PPARGC1A: variants seen among roughly 807,000 people sequenced by gnomAD.
The protein encoded by PPARGC1A is PPARG coactivator 1 alpha.
Under a neutral mutation model 88.7 loss-of-function variants are expected in PPARGC1A, and 25 were observed. The observed-to-expected ratio is 0.28, with a 90% CI of 0.21 to 0.39. PPARGC1A has a LOEUF of 0.39. PPARGC1A is among the 10% of genes least tolerant of loss of function. The pLI, the probability that PPARGC1A is intolerant of heterozygous loss-of-function variation, is 1.00. For synonymous variants in PPARGC1A, 363 were observed against 355.6 expected, an observed-to-expected ratio of 1.02 and a Z score of -0.24; for missense variants, 880 against 968.7, an observed-to-expected ratio of 0.91 and a Z score of 1.22.
At chr4:24,179,334 G>A in the PPARGC1A span, among the ~76,000 whole-genome samples, 6 of 152,110 alleles carry the variant, frequency 3.9e-5, no homozygotes, top group South Asian at 2.1e-4. Context: ...CCTTTATCAC[G>A]TAACTGTGCA....
the PPARGC1A span, among the ~76,000 whole-genome samples, chr4:24,151,556 C>T: frequency 6.6e-6 from 1 of 152,172 alleles, no homozygotes; most frequent in Non-Finnish European, 1.5e-5. Context: ...TAGTACCTAG[C>T]TATTACCAAT....
chr4:23,957,230 G>A, the PPARGC1A span, among the ~76,000 whole-genome samples: 8 of 152,044 alleles, frequency 5.3e-5, no homozygotes, highest in South Asian at 4.1e-4. Flanking sequence ...CAGCTCACAT[G>A]TCACTTCCTC....
upstream of PPARGC1A, among the ~76,000 whole-genome samples, chr4:23,906,607 C>CAAAAAAAAAAAAAAAA (rs35171233): frequency 1.6e-5 from 1 of 63,728 alleles, no homozygotes. Flanking sequence ...CTCTGTCTCA[C>CAAAAAAAAAAAAAAAA]AAAAAAAAAA....
intron 3 of PPARGC1A, 65 bp from the exon 4 acceptor site, chr4:23,829,650 A>G (rs1724650292): frequency 1.3e-5 from 19 of 1,452,998 alleles, no homozygotes; most frequent in Non-Finnish European, 1.8e-5. Flanking sequence ...CATTGGAATA[A>G]GTTATTGAAA....
intron 2 of PPARGC1A, among the ~76,000 whole-genome samples, chr4:23,857,664 G>A (rs1320557715): frequency 6.6e-6 from 1 of 151,606 alleles, no homozygotes; most frequent in East Asian, 2.0e-4. Flanking sequence ...CAGTAGATTT[G>A]TAAATGCACC....
the PPARGC1A span, among the ~76,000 whole-genome samples, chr4:24,249,078 C>G: frequency 6.6e-6 from 1 of 152,136 alleles, no homozygotes; most frequent in African/African-American, 2.4e-5. Context: ...CAACACTTTG[C>G]CCTCAGATCC....
intron 7 of PPARGC1A, among the ~76,000 whole-genome samples, chr4:23,816,700 C>G (rs1465772201): frequency 1.3e-5 from 2 of 152,152 alleles, no homozygotes; most frequent in Non-Finnish European, 2.9e-5. Flanking sequence ...TCCTCATATC[C>G]AACTCCGTAA....
chr4:24,109,019 C>CACACACCA, the PPARGC1A span, among the ~76,000 whole-genome samples: 326 of 140,728 alleles, frequency 2.3e-3, 2 homozygotes, highest in African/African-American at 8.4e-3. Flanking sequence ...CACACACACA[C>CACACACCA]CACACACACA....
chr4:23,800,267 T>C (rs1262824859), intron 12 of PPARGC1A, among the ~76,000 whole-genome samples: 1 of 152,120 alleles, frequency 6.6e-6, no homozygotes, highest in Non-Finnish European at 1.5e-5. Flanking sequence ...TTTAATATAA[T>C]TATGTCATAT....
chr4:24,275,377 G>T, the PPARGC1A span, among the ~76,000 whole-genome samples: 1 of 152,068 alleles, frequency 6.6e-6, no homozygotes, highest in Non-Finnish European at 1.5e-5. Flanking sequence ...ACATTATGAC[G>T]CCTATTACAG....
chr4:23,813,359 G>A (rs1721304860), intron 8 of PPARGC1A, among the ~76,000 whole-genome samples: 1 of 152,172 alleles, frequency 6.6e-6, no homozygotes, highest in Admixed American at 6.5e-5. Flanking sequence ...CACCAGGTCT[G>A]GTACACTGTC....
Position 23,814,529 on chromosome 4 carries a change from G to T in PPARGC1A, c.954C>A (p.Ser318=), listed in dbSNP as rs754097603. 6.2e-7 allele frequency: 1 copy of T among 1,613,002 alleles called. No individual in the cohort carries two copies. The highest frequency in any genetic ancestry group is 1.1e-5 in the South Asian group (1 of 91,008). Residue 318 remains serine (S), a synonymous_variant, in exon 8 of 13, where the codon TCC becomes TCA. Transcript: ENST00000264867. ...NPFRASPKLK[S]SCKTVVPPPS... ...GTGGTGGCACCACAGTCTTGCAAGA[G>T]GACTTCAGCTTTGGAGAAGCCCTAA...
chr4:24,155,124 T>TTG, the PPARGC1A span, among the ~76,000 whole-genome samples: 1 of 114,384 alleles, frequency 8.7e-6, no homozygotes, highest in African/African-American at 4.1e-5. Context: ...TCGGTTTTGT[T>TTG]TTTTTTTTTT....
At chr4:24,219,365 G>T in the PPARGC1A span, among the ~76,000 whole-genome samples, 2 of 152,128 alleles carry the variant, frequency 1.3e-5, no homozygotes, top group African/African-American at 4.8e-5. Flanking sequence ...CTGCAGGCTG[G>T]GATTGCTACA....
At chr4:24,270,559 A>G in the PPARGC1A span, among the ~76,000 whole-genome samples, 3 of 152,192 alleles carry the variant, frequency 2.0e-5, no homozygotes, top group Non-Finnish European at 2.9e-5. Flanking sequence ...GATTATGAAC[A>G]TGAATTTCAG....
At chr4:23,796,233 A>G (rs912896569) in intron 12 of PPARGC1A, among the ~76,000 whole-genome samples, 1 of 152,086 alleles carries the variant, frequency 6.6e-6, no homozygotes, top group African/African-American at 2.4e-5. Context: ...TGACTTGCCC[A>G]TGGTTCCTCA....
chr4:24,186,507 G>A, the PPARGC1A span, among the ~76,000 whole-genome samples: 2 of 152,106 alleles, frequency 1.3e-5, no homozygotes, highest in African/African-American at 4.8e-5. Flanking sequence ...GGATCTTGGT[G>A]TCCTTCACTG....
chr4:24,281,030 C>G, the PPARGC1A span, among the ~76,000 whole-genome samples: 1 of 152,206 alleles, frequency 6.6e-6, no homozygotes, highest in East Asian at 1.9e-4. Flanking sequence ...AGGCAGCCAC[C>G]TCTATTTCCC....
the PPARGC1A span, among the ~76,000 whole-genome samples, chr4:24,300,324 A>T: frequency 6.0e-4 from 27 of 45,024 alleles, 1 homozygote; most frequent in East Asian, 7.8e-3. Flanking sequence ...ATACAATAGC[A>T]TTTTTTTTTT....
Sources: allele counts gnomAD v4.1 joint callset (sites outside exome capture counted in the v4.1 genomes callset), GRCh38; gene constraint gnomAD v4.1.1; transcripts MANE v1.5; gene names NCBI Gene and HGNC (gene_info 2026-07-23, HGNC 2026-07-21).